Variants in OSBPL2 observed in about 807,000 individuals in gnomAD.
The protein encoded by OSBPL2 is oxysterol binding protein like 2.
OSBPL2 carries 18 observed loss-of-function variants against 58.4 expected under a neutral mutation model. That is an observed-to-expected ratio of 0.31 (90% CI 0.21 to 0.46). The LOEUF (loss-of-function observed/expected upper bound fraction) is 0.46, where lower values mean the gene tolerates loss of function less well. Among genes scored for constraint, OSBPL2 ranks in the 20% least tolerant of loss-of-function variants. The pLI is 1.00. For synonymous variants in OSBPL2, 221 were observed against 234.1 expected, an observed-to-expected ratio of 0.94 and a Z score of 0.51; for missense variants, 461 against 616.5, an observed-to-expected ratio of 0.75 and a Z score of 2.67.
chr20:62,261,850 C>T (rs1981333349), intron 3 of OSBPL2, among the ~76,000 whole-genome samples: 1 of 152,150 alleles, frequency 6.6e-6, no homozygotes, highest in Non-Finnish European at 1.5e-5. Context: ...CCTCTGCCTC[C>T]CAGGTTCAGA....
Position 62,273,292 on chromosome 20 carries a change from C to G in OSBPL2, c.394-17C>G, listed in dbSNP as rs2236526. 3 of 1,601,770 alleles carry G rather than the reference C, an allele frequency of 1.9e-6. No individual in the cohort carries two copies. Among genetic ancestry groups the G allele is most frequent in the African/African-American group, 2.7e-5 (2 of 74,410 alleles). On this transcript the variant is annotated splice_polypyrimidine_tract_variant and intron_variant, in intron 5 of 13. Coordinates refer to ENST00000313733, the MANE Select transcript of OSBPL2 (RefSeq NM_144498.4). ...CTAACTGAAGCTGTGCCTGTCCCCC[C>G]CGTGGATTATTTACAGTCTGTGGCT...
intron 6 of OSBPL2, chr20:62,278,820 T>G: frequency 4.0e-6 from 1 of 252,652 alleles, no homozygotes; most frequent in Non-Finnish European, 7.4e-6. Flanking sequence ...CGATATCGTG[T>G]TTGTGTGTGT....
At chr20:62,279,842 A>G in intron 7 of OSBPL2, 1 of 580,228 alleles carries the variant, frequency 1.7e-6, no homozygotes, top group Non-Finnish European at 2.2e-6. Flanking sequence ...ACAGGGGGAG[A>G]GAGCTGAGAA....
In OSBPL2 at chr20:62,269,744, T is replaced by A. The variant is rs991094151; in HGVS notation, c.259-2381T>A. On this transcript the variant is annotated intron_variant, in intron 4 of 13. Transcript: ENST00000313733. This position sits in a 1 kb window ranked among gnomAD's most constrained non-coding sequence, Gnocchi z 4.2. ...TCTGCTCATTCTTTCGGGGCTTCCT[T>A]CTTTCTCTGCCACGTGTTCTTGCAG... 2.8e-4 allele frequency among the ~76,000 whole-genome samples: 43 copies of A among 152,356 alleles called. No homozygotes were observed. The highest frequency in any genetic ancestry group is 1.0e-3 in the African/African-American group (42 of 41,578).
rs759673361 is a variant in OSBPL2 at position 62,272,627 on chromosome 20, G to A, written c.393+368G>A. On this transcript the variant is annotated intron_variant, in intron 5 of 13. Coordinates refer to ENST00000313733, the MANE Select transcript of OSBPL2 (RefSeq NM_144498.4). The stretch of plus-strand genomic sequence containing the variant: ...GTGTGACTGTGGGCTGGGCACGCAC[G>A]GTGGCTCATGCCTGTAATCCCAACA... Among the ~76,000 whole-genome samples the A allele has an allele frequency of 3.3e-5, 5 of 152,194 alleles. 1 individual carries two copies. Among genetic ancestry groups the A allele is most frequent in the Non-Finnish European group, 4.4e-5 (3 of 68,040 alleles).
At chr20:62,238,775 C>A (rs1045355387) in intron 1 of OSBPL2, among the ~76,000 whole-genome samples, 178 bp downstream of exon 1, 1 of 151,510 alleles carries the variant, frequency 6.6e-6, no homozygotes, top group Non-Finnish European at 1.5e-5. Context: ...CACTGGGAGG[C>A]GCGCCCGGCC....
chr20:62,286,342 C>T (rs1568851726), intron 10 of OSBPL2: 4 of 371,630 alleles, frequency 1.1e-5, no homozygotes, highest in South Asian at 3.3e-5. Context: ...TCCAGCTACT[C>T]GGGAGGCTGA....
chr20:62,270,463 C>T (rs1423603963), intron 4 of OSBPL2, among the ~76,000 whole-genome samples: 14 of 96,864 alleles, frequency 1.4e-4, no homozygotes, highest in Non-Finnish European at 2.7e-4. Context: ...TGGGTCCTCT[C>T]CTTGTCCCTC....
chr20:62,291,476 G>A, intron 12 of OSBPL2: 2 of 558,670 alleles, frequency 3.6e-6, no homozygotes, highest in Non-Finnish European at 6.5e-6. Context: ...CGCAGCACAT[G>A]CAGCCCCCAT....
rs1160994506 is a variant in OSBPL2 at position 62,286,698 on chromosome 20, C to T, written c.1112C>T (p.Pro371Leu). The stretch of plus-strand genomic sequence containing the variant: ...CTCTGGAGGATCAACACCCGGCCCC[C>T]CAACTCTGCCCAGGTCTGTGTCCCT... The part of the protein sequence containing the change: ...KLLWRINTRP[P>L]NSAQMYNFTS... Residue 371 changes from proline to leucine, a missense_variant, in exon 11 of 14, where the codon CCC (proline) becomes CTC (leucine). Pro to Leu is a moderately conservative substitution (Grantham distance 98). This residue lies in a region of OSBPL2 where 319 missense variants were observed against 419.2 expected (regional missense o/e 0.76). Coordinates refer to ENST00000313733, the MANE Select transcript of OSBPL2 (RefSeq NM_144498.4). 1 of 1,612,604 alleles carries T rather than the reference C, an allele frequency of 6.2e-7. No individual in the cohort carries two copies. Among genetic ancestry groups the T allele is most frequent in the Admixed American group, 1.7e-5 (1 of 60,000 alleles).
At chr20:62,291,624 A>G (rs538860516) in intron 12 of OSBPL2, 79 bp from the exon 13 acceptor site, 2 of 1,160,934 alleles carry the variant, frequency 1.7e-6, no homozygotes, top group Admixed American at 1.7e-5. Flanking sequence ...CATGCCAACT[A>G]GAGATCTAGG....
intron 7 of OSBPL2, chr20:62,280,187 A>G (rs1478972570): frequency 1.8e-6 from 2 of 1,095,972 alleles, no homozygotes; most frequent in Non-Finnish European, 2.4e-6. Flanking sequence ...AAATACATAC[A>G]GAAATAAGTA....
intron 1 of OSBPL2, among the ~76,000 whole-genome samples, chr20:62,239,381 T>C (rs1183944518): frequency 6.6e-6 from 1 of 152,206 alleles, no homozygotes; most frequent in Non-Finnish European, 1.5e-5. Flanking sequence ...ACCAAGACTG[T>C]TAGGTCGTCA....
chr20:62,267,854 C>T (rs1328947182), intron 4 of OSBPL2, among the ~76,000 whole-genome samples: 3 of 151,668 alleles, frequency 2.0e-5, no homozygotes, highest in African/African-American at 7.3e-5. Context: ...TCATTGTCTT[C>T]AGGGTATATC....
At chr20:62,258,140 C>T (rs542315020) in intron 2 of OSBPL2, among the ~76,000 whole-genome samples, 25 of 152,250 alleles carry the variant, frequency 1.6e-4, no homozygotes, top group Admixed American at 2.0e-4. Flanking sequence ...GGGCGTTGCT[C>T]CTGCATGGCA....
intron 6 of OSBPL2, among the ~76,000 whole-genome samples, chr20:62,274,972 T>C (rs189051319): frequency 6.6e-6 from 1 of 152,248 alleles, no homozygotes; most frequent in African/African-American, 2.4e-5. Context: ...AGTCTGTTTG[T>C]TTTTTTAATT....
rs538421922 is a variant in OSBPL2 at position 62,245,409 on chromosome 20, G to C, written c.-129+6812G>C. On this transcript the variant is annotated intron_variant, in intron 1 of 13. Transcript: ENST00000313733. ...CGCCCGGCCTGAAACCTGTTCTTCA[G>C]CTAAGGCGTGTTACATTCTGTGTGG... Among the ~76,000 whole-genome samples, 3 of 152,290 alleles carry C rather than the reference G, an allele frequency of 2.0e-5. No individual in the cohort carries two copies. In the South Asian group the frequency reaches 6.2e-4, roughly 32 times the overall value.
intron 2 of OSBPL2, 146 bp from the exon 3 acceptor site, chr20:62,259,835 G>C (rs999894713): frequency 5.4e-6 from 4 of 743,302 alleles, no homozygotes; most frequent in Non-Finnish European, 8.9e-6. Flanking sequence ...TCTGCTTCTG[G>C]AGAACCAGAG....
At chr20:62,264,046 CAA>C (rs1223786156) in intron 4 of OSBPL2, among the ~76,000 whole-genome samples, 11 of 116,842 alleles carry the variant, frequency 9.4e-5, no homozygotes, top group African/African-American at 3.4e-4. Context: ...GGCTGGGTGA[CAA>C]GAGTGAGATT....
Sources: gnomAD v4.1 joint callset for allele counts (sites outside exome capture counted in the v4.1 genomes callset) on GRCh38, gnomAD v4.1.1 for gene constraint, gnomAD v4.1.1 regional missense constraint, Gnocchi (gnomAD v3.1) non-coding constraint, MANE v1.5 for transcripts, NCBI Gene and HGNC (gene_info 2026-07-23, HGNC 2026-07-21) for gene names.